Variants in PRKCH observed in about 807,000 individuals in gnomAD.
The protein encoded by PRKCH is protein kinase C eta, also known as protein kinase C eta type.
In PRKCH, 28 loss-of-function variants were observed where a neutral mutation model predicts 82.5. The ratio of observed to expected loss-of-function variants is 0.34; its 90% CI spans 0.25 to 0.47. The LOEUF is 0.47. Ranked by LOEUF, PRKCH falls within the 20% of genes least tolerant of loss-of-function variation. The probability of loss-of-function intolerance (pLI) is 1.00; values close to 1 mark genes in which losing one functional copy is unlikely to be tolerated. For missense variants in PRKCH, 705 were observed against 881.8 expected, an observed-to-expected ratio of 0.80 and a Z score of 2.54; for synonymous variants, 322 against 327.4, an observed-to-expected ratio of 0.98 and a Z score of 0.18.
intron 1 of PRKCH, among the ~76,000 whole-genome samples, chr14:61,224,639 C>A (rs1408521900): frequency 2.0e-5 from 3 of 152,156 alleles, no homozygotes; most frequent in Non-Finnish European, 4.4e-5. Context: ...GTAGGGGAAA[C>A]CACAGAGGTA....
At chr14:61,383,236 T>C (rs1317850086) in intron 1 of PRKCH, among the ~76,000 whole-genome samples, 1 of 152,216 alleles carries the variant, frequency 6.6e-6, no homozygotes, top group Non-Finnish European at 1.5e-5. Context: ...TGTAGGACTA[T>C]TCTATAGTAA....
intron 2 of PRKCH, among the ~76,000 whole-genome samples, chr14:61,396,419 C>A (rs1489292644): frequency 6.6e-6 from 1 of 152,094 alleles, no homozygotes; most frequent in Admixed American, 6.5e-5. Flanking sequence ...ATAAGAAAAA[C>A]CTGCTGGGTG....
At chr14:61,452,618 C>G (rs1884563877) in intron 6 of PRKCH, among the ~76,000 whole-genome samples, 1 of 152,094 alleles carries the variant, frequency 6.6e-6, no homozygotes, top group Admixed American at 6.5e-5. Flanking sequence ...GTTGCCTTTC[C>G]CCACTATGAA....
At chr14:61,511,918 TGCA>T (rs1887395394) in intron 10 of PRKCH, among the ~76,000 whole-genome samples, 3 of 152,180 alleles carry the variant, frequency 2.0e-5, no homozygotes, top group African/African-American at 4.8e-5. Context: ...AGAGTGTAAC[TGCA>T]GTTTTTATCT....
At chr14:61,529,903 A>G (rs2043022326) in intron 11 of PRKCH, among the ~76,000 whole-genome samples, 1 of 20,904 alleles carries the variant, frequency 4.8e-5, no homozygotes, top group Non-Finnish European at 2.6e-4. Flanking sequence ...CTTAAAGTAT[A>G]ATAAAAAAAA....
chr14:61,346,486 T>C (rs1447243537), intron 1 of PRKCH, among the ~76,000 whole-genome samples: 1 of 152,238 alleles, frequency 6.6e-6, no homozygotes, highest in Middle Eastern at 3.2e-3. Context: ...GGTCTTATTT[T>C]CCCTTTTGAT....
intron 1 of PRKCH, among the ~76,000 whole-genome samples, chr14:61,203,696 T>C (rs1053105030): frequency 1.3e-5 from 2 of 151,952 alleles, no homozygotes; most frequent in African/African-American, 4.8e-5. Context: ...ATATTTCAGG[T>C]TGAGCACGGT....
intron 1 of PRKCH, among the ~76,000 whole-genome samples, chr14:61,386,747 G>A (rs914391132): frequency 6.6e-6 from 1 of 152,208 alleles, no homozygotes; most frequent in African/African-American, 2.4e-5. Context: ...TTCAGTGCTG[G>A]TGGGAGGCAG....
chr14:61,513,014 T>A (rs1463736310), intron 10 of PRKCH, among the ~76,000 whole-genome samples: 2 of 152,138 alleles, frequency 1.3e-5, no homozygotes, highest in African/African-American at 4.8e-5. Flanking sequence ...AGACAGGGTC[T>A]CACTGTGTTG....
chr14:61,513,557 GTT>G (rs112681438), intron 10 of PRKCH, among the ~76,000 whole-genome samples: 2 of 152,148 alleles, frequency 1.3e-5, no homozygotes, highest in African/African-American at 2.4e-5. Context: ...AAATCAATGT[GTT>G]TTAATTTTTC....
intron 9 of PRKCH, among the ~76,000 whole-genome samples, chr14:61,474,729 T>C (rs557592011): frequency 7.2e-4 from 110 of 152,332 alleles, no homozygotes; most frequent in Non-Finnish European, 1.2e-3. Flanking sequence ...TTTAATAGTT[T>C]GGGAAGAAAT....
intron 1 of PRKCH, among the ~76,000 whole-genome samples, chr14:61,325,067 C>T (rs2045676243): frequency 6.6e-6 from 1 of 152,126 alleles, no homozygotes; most frequent in South Asian, 2.1e-4. Context: ...TCAATAGGTT[C>T]AGTATAATCT....
chr14:61,419,133 C>G (rs1277541523), intron 2 of PRKCH, among the ~76,000 whole-genome samples: 1 of 152,160 alleles, frequency 6.6e-6, no homozygotes, highest in African/African-American at 2.4e-5. Flanking sequence ...TTTAGGGCAG[C>G]TAGTTGTTCT....
At chr14:61,222,220 CA>C (rs1479501298) in intron 1 of PRKCH, among the ~76,000 whole-genome samples, 2 of 152,222 alleles carry the variant, frequency 1.3e-5, no homozygotes, top group African/African-American at 4.8e-5. Flanking sequence ...GTGTTTTAAT[CA>C]TGAAATTAGT....
chr14:61,353,303 A>T lies in PRKCH; in HGVS notation c.363+30839A>T, dbSNP rs188997495. On this transcript the variant is annotated intron_variant, in intron 1 of 13. Transcript: ENST00000332981. Reference sequence around the variant, plus strand: ...TTTACTAGTAAGCATGTATAATTTTATAATCAGAAAAAATGATTAAAGATA... The same window carrying T: ...TTTACTAGTAAGCATGTATAATTTTTTAATCAGAAAAAATGATTAAAGATA... 7.7e-4 allele frequency among the ~76,000 whole-genome samples: 118 copies of T among 152,334 alleles called. No individual in the cohort carries two copies. The Middle Eastern group carries it at 0.01, about 13-fold the overall frequency.
At chr14:61,282,433 A>G (rs1349583478) in intron 1 of PRKCH, among the ~76,000 whole-genome samples, 2 of 152,124 alleles carry the variant, frequency 1.3e-5, no homozygotes, top group Non-Finnish European at 2.9e-5. Flanking sequence ...CTATTACACT[A>G]CACCTAGCAT....
At chr14:61,410,712 A>G (rs545806520) in intron 2 of PRKCH, among the ~76,000 whole-genome samples, 2 of 152,226 alleles carry the variant, frequency 1.3e-5, no homozygotes, top group Non-Finnish European at 2.9e-5. Context: ...TCTAATTTCA[A>G]AGATAAGCGT....
intron 1 of PRKCH, among the ~76,000 whole-genome samples, chr14:61,313,759 C>T (rs2045541875): frequency 6.6e-6 from 1 of 151,354 alleles, no homozygotes; most frequent in South Asian, 2.1e-4. Flanking sequence ...TAGGGAAACT[C>T]CCCCTTATAT....
intron 1 of PRKCH, among the ~76,000 whole-genome samples, chr14:61,252,941 C>G (rs1350591833): frequency 6.6e-6 from 1 of 152,160 alleles, no homozygotes; most frequent in Non-Finnish European, 1.5e-5. Context: ...AGGGACTCTT[C>G]TGAGCGTATG....
Sources: gnomAD v4.1 joint callset for allele counts (sites outside exome capture counted in the v4.1 genomes callset) on GRCh38, gnomAD v4.1.1 for gene constraint, MANE v1.5 for transcripts, NCBI Gene and HGNC (gene_info 2026-07-23, HGNC 2026-07-21) for gene names.